The following NEBL variants were observed in gnomAD, a reference collection of about 807,000 sequenced individuals.
NEBL encodes the protein LIM and SH3 protein 2.
NEBL carries 122 observed loss-of-function variants against 140.2 expected under a neutral mutation model. The ratio of observed to expected loss-of-function variants is 0.87; its 90% CI spans 0.75 to 1.01. The LOEUF (loss-of-function observed/expected upper bound fraction) is 1.01. Among genes scored for constraint, NEBL ranks in the 50% least tolerant of loss-of-function variants. NEBL has a pLI of 0.00. For synonymous variants in NEBL, 436 were observed against 398.9 expected, an observed-to-expected ratio of 1.09 and a Z score of -1.11; for missense variants, 1,365 against 1,231.3, an observed-to-expected ratio of 1.11 and a Z score of -1.62.
chr10:21,194,048 T>C (rs1339007082), intron 3 of NEBL, among the ~76,000 whole-genome samples: 2 of 152,160 alleles, frequency 1.3e-5, no homozygotes, highest in African/African-American at 4.8e-5. Flanking sequence ...GATCATAGCT[T>C]ACTGCAGTCT....
intron 26 of NEBL, among the ~76,000 whole-genome samples, chr10:20,805,806 T>C (rs1394724017): frequency 4.0e-5 from 6 of 151,406 alleles, no homozygotes; most frequent in Admixed American, 1.3e-4. Context: ...TGAGCCAAGA[T>C]CACGTTACTG....
chr10:20,899,553 A>C (rs1847758970), upstream of NEBL: 1 of 545,080 alleles, frequency 1.8e-6, no homozygotes, highest in African/African-American at 2.0e-5. Flanking sequence ...GAGATTCTAG[A>C]ATCAGAATTT....
intron 4 of NEBL, among the ~76,000 whole-genome samples, chr10:20,922,420 T>C (rs553977594): frequency 1.3e-5 from 2 of 152,322 alleles, no homozygotes; most frequent in African/African-American, 2.4e-5. Context: ...AATAAATTCA[T>C]AGAGTGTCAC....
chr10:21,111,695 C>T (rs1451669858), intron 2 of NEBL, among the ~76,000 whole-genome samples: 3 of 150,594 alleles, frequency 2.0e-5, no homozygotes, highest in Non-Finnish European at 4.4e-5. Flanking sequence ...GACTCCATGA[C>T]TAAAACACCA....
chr10:21,111,703 C>T (rs1838021036), intron 2 of NEBL, among the ~76,000 whole-genome samples: 1 of 150,668 alleles, frequency 6.6e-6, no homozygotes, highest in African/African-American at 2.5e-5. Flanking sequence ...GACTAAAACA[C>T]CAAAAGCATG....
chr10:20,981,210 T>G (rs1837024779), intron 3 of NEBL, among the ~76,000 whole-genome samples: 1 of 151,718 alleles, frequency 6.6e-6, no homozygotes, highest in African/African-American at 2.4e-5. Context: ...AGAGAACACA[T>G]AAAGTTCAAA....
intron 3 of NEBL, among the ~76,000 whole-genome samples, chr10:21,245,212 A>G (rs1359542677): frequency 6.6e-6 from 1 of 152,192 alleles, no homozygotes; most frequent in African/African-American, 2.4e-5. Context: ...ACATCCTGAA[A>G]GAAAACATCT....
At chr10:20,793,463 G>C (rs926306404) in intron 26 of NEBL, 1 of 422,222 alleles carries the variant, frequency 2.4e-6, no homozygotes, top group Non-Finnish European at 3.2e-6. Flanking sequence ...TGCATATGAC[G>C]TTCAGGTCCC....
At chr10:20,975,022 A>G (rs952182) in intron 3 of NEBL, among the ~76,000 whole-genome samples, 4,051 of 152,258 alleles carry the variant, frequency 0.027, 171 homozygotes, top group African/African-American at 0.09. Flanking sequence ...TTACAGGTAC[A>G]ATTATATTTG....
chr10:20,848,363 T>C (rs1391817149), intron 11 of NEBL, among the ~76,000 whole-genome samples: 6 of 152,248 alleles, frequency 3.9e-5, no homozygotes, highest in Middle Eastern at 3.2e-3. Context: ...CTAGTATCAA[T>C]TCACTTGAAA....
At chr10:21,285,564 C>A (rs1174283223) in intron 1 of NEBL, among the ~76,000 whole-genome samples, 3 of 152,208 alleles carry the variant, frequency 2.0e-5, no homozygotes, top group Non-Finnish European at 4.4e-5. Context: ...TATGCCCCAA[C>A]CACCTTGGGG....
intron 9 of NEBL, among the ~76,000 whole-genome samples, chr10:20,855,227 TAAA>T (rs751211791): frequency 1.5e-5 from 2 of 129,514 alleles, no homozygotes; most frequent in Admixed American, 7.8e-5. Flanking sequence ...GAGTCCGTCT[TAAA>T]AAAAAAAAAA....
At chr10:20,903,341 C>T (rs762816965) in intron 4 of NEBL, among the ~76,000 whole-genome samples, 6 of 152,078 alleles carry the variant, frequency 3.9e-5, no homozygotes, top group South Asian at 2.1e-4. Context: ...GTCAGAATGG[C>T]TATTACTAAA....
chr10:21,122,247 A>G (rs1265894382), intron 2 of NEBL, among the ~76,000 whole-genome samples: 2 of 151,994 alleles, frequency 1.3e-5, no homozygotes, highest in African/African-American at 2.4e-5. Context: ...GCTGGTCTCA[A>G]ACTCCTGACT....
At chr10:20,820,564 G>A (rs981447268) in intron 19 of NEBL, among the ~76,000 whole-genome samples, 1 of 152,190 alleles carries the variant, frequency 6.6e-6, no homozygotes, top group African/African-American at 2.4e-5. Flanking sequence ...GGTGGCTCAC[G>A]CCTGTAATCC....
intron 3 of NEBL, among the ~76,000 whole-genome samples, chr10:21,208,458 G>A (rs1041145972): frequency 1.3e-5 from 2 of 152,176 alleles, no homozygotes; most frequent in African/African-American, 4.8e-5. Flanking sequence ...CATGATTAAT[G>A]CTGAATATGC....
intron 3 of NEBL, among the ~76,000 whole-genome samples, chr10:20,980,541 A>T (rs1210946738): frequency 6.6e-6 from 1 of 152,196 alleles, no homozygotes; most frequent in Non-Finnish European, 1.5e-5. Flanking sequence ...CGTGCATGGT[A>T]CAAACAGTGC....
chr10:20,826,850 T>C (rs1331210186), intron 17 of NEBL, among the ~76,000 whole-genome samples: 1 of 152,186 alleles, frequency 6.6e-6, no homozygotes, highest in Non-Finnish European at 1.5e-5. Context: ...AATATAAATA[T>C]ATGTCCCATG....
chr10:21,219,456 G>C (rs1467560412), intron 3 of NEBL, among the ~76,000 whole-genome samples: 1 of 151,982 alleles, frequency 6.6e-6, no homozygotes, highest in African/African-American at 2.4e-5. Context: ...GCTCATTTTG[G>C]CATTTAAAAA....
Sources: gnomAD v4.1 joint callset for allele counts (sites outside exome capture counted in the v4.1 genomes callset) on GRCh38, gnomAD v4.1.1 for gene constraint, MANE v1.5 for transcripts, NCBI Gene and HGNC (gene_info 2026-07-23, HGNC 2026-07-21) for gene names.